The following WWOX variants were observed in gnomAD, a reference collection of about 807,000 sequenced individuals.
The protein encoded by WWOX is WW domain containing oxidoreductase, also known as WW domain-containing oxidoreductase.
A neutral mutation model predicts 46.2 loss-of-function variants in WWOX; 69 were observed. The ratio of observed to expected loss-of-function variants is 1.49; its 90% CI spans 1.23 to 1.82. The LOEUF (loss-of-function observed/expected upper bound fraction) is 1.82, where lower values mean the gene tolerates loss of function less well. Among genes scored for constraint, WWOX ranks in the 40% most tolerant of loss-of-function variants. The pLI, the probability that WWOX is intolerant of heterozygous loss-of-function variation, is 0.00. For missense variants in WWOX, 919 were observed against 542.6 expected, an observed-to-expected ratio of 1.69 and a Z score of -6.89; for synonymous variants, 359 against 202.6, an observed-to-expected ratio of 1.77 and a Z score of -6.56.
At chr16:78,976,464 C>T (rs1239111531) in intron 8 of WWOX, among the ~76,000 whole-genome samples, 2 of 152,308 alleles carry the variant, frequency 1.3e-5, no homozygotes, top group South Asian at 2.1e-4. Flanking sequence ...GCAATGGTGG[C>T]AGCCTGGGAG....
chr16:78,765,414 C>G (rs1428771603), intron 8 of WWOX, among the ~76,000 whole-genome samples: 3 of 152,164 alleles, frequency 2.0e-5, no homozygotes, highest in Non-Finnish European at 4.4e-5. Context: ...CACGGTGGCT[C>G]ATACTTATAA....
intron 5 of WWOX, among the ~76,000 whole-genome samples, chr16:78,321,682 T>C (rs1488241313): frequency 6.6e-6 from 1 of 152,040 alleles, no homozygotes; most frequent in Non-Finnish European, 1.5e-5. Flanking sequence ...GAAAAGTAAA[T>C]GATTGGAAGC....
At chr16:78,691,951 A>G (rs1473598201) in intron 8 of WWOX, among the ~76,000 whole-genome samples, 1 of 152,146 alleles carries the variant, frequency 6.6e-6, no homozygotes, top group African/African-American at 2.4e-5. Flanking sequence ...AATAAGTCTC[A>G]TGAGATCTGA....
chr16:78,640,816 G>C (rs1043757807), intron 8 of WWOX, among the ~76,000 whole-genome samples: 4 of 151,912 alleles, frequency 2.6e-5, no homozygotes, highest in Non-Finnish European at 4.4e-5. Context: ...GTGTGTGCCT[G>C]TAATCCCAGC....
At position 79,208,220 on chromosome 16, in the gene WWOX, C is replaced by T. The variant is rs559380733; in HGVS notation, c.1057-3388C>T. On this transcript the variant is annotated intron_variant, in intron 8 of 8. Coordinates refer to ENST00000566780, the MANE Select transcript of WWOX (RefSeq NM_016373.4). ...GTTTGACTAGATCGGAAATGGCATT[C>T]GGGCATGATTAAAAAGATTCTTCTG... 3.9e-5 allele frequency among the ~76,000 whole-genome samples: 6 copies of T among 152,302 alleles called. No individual in the cohort carries two copies. The South Asian group carries it at 8.3e-4, about 21-fold the overall frequency.
intron 8 of WWOX, among the ~76,000 whole-genome samples, chr16:78,509,924 T>TAA (rs59162697): frequency 2.4e-3 from 345 of 142,598 alleles, no homozygotes; most frequent in African/African-American, 5.9e-3. Flanking sequence ...CTCATCTCTT[T>TAA]AAAAAAAAAA....
chr16:79,185,265 C>T (rs954648433), intron 8 of WWOX, among the ~76,000 whole-genome samples: 9 of 152,308 alleles, frequency 5.9e-5, no homozygotes, highest in Middle Eastern at 3.4e-3. Flanking sequence ...AGACAGGAAA[C>T]TGCCTCTCTT....
intron 8 of WWOX, among the ~76,000 whole-genome samples, chr16:78,834,457 T>C (rs916319672): frequency 7.2e-5 from 11 of 152,100 alleles, no homozygotes; most frequent in Admixed American, 7.2e-4. Context: ...CAAAATTTAT[T>C]GAGAGGTGTA....
chr16:78,759,347 G>C (rs1166558626), intron 8 of WWOX, among the ~76,000 whole-genome samples: 2 of 152,162 alleles, frequency 1.3e-5, no homozygotes, highest in Non-Finnish European at 1.5e-5. Context: ...AGCCAGGCAA[G>C]GCACAGAAAA....
intron 8 of WWOX, among the ~76,000 whole-genome samples, chr16:78,818,861 G>A (rs1333322548): frequency 6.6e-6 from 1 of 152,208 alleles, no homozygotes; most frequent in African/African-American, 2.4e-5. Flanking sequence ...AAATTCGTTA[G>A]CACTGAGAGA....
intron 8 of WWOX, among the ~76,000 whole-genome samples, chr16:79,006,882 C>G (rs1215743151): frequency 3.9e-5 from 6 of 152,158 alleles, no homozygotes; most frequent in Non-Finnish European, 7.3e-5. Flanking sequence ...CTTTAAGGAC[C>G]TTTGTGATAG....
intron 8 of WWOX, among the ~76,000 whole-genome samples, chr16:78,510,080 TGTC>T (rs762638977): frequency 1.7e-3 from 260 of 152,108 alleles, no homozygotes; most frequent in Non-Finnish European, 3.3e-3. Context: ...TCTGTCTGTC[TGTC>T]TGTCTGTCTG....
intron 6 of WWOX, among the ~76,000 whole-genome samples, chr16:78,404,813 G>T (rs2151945873): frequency 6.6e-6 from 1 of 152,262 alleles, no homozygotes; most frequent in Non-Finnish European, 1.5e-5. Flanking sequence ...TTTATTAAAT[G>T]TCCCCAGGAA....
intron 8 of WWOX, among the ~76,000 whole-genome samples, chr16:79,031,371 CCTT>C (rs2047750596): frequency 6.6e-6 from 1 of 152,108 alleles, no homozygotes; most frequent in Admixed American, 6.5e-5. Context: ...GCTCCTGCCT[CCTT>C]CTTTTCTTCA....
chr16:78,401,428 T>C (rs2151944103), intron 6 of WWOX, among the ~76,000 whole-genome samples: 1 of 152,326 alleles, frequency 6.6e-6, no homozygotes, highest in South Asian at 2.1e-4. Context: ...GGTCTAGAAC[T>C]ATGTAGCTTT....
At chr16:78,658,856 C>G (rs1478417585) in intron 8 of WWOX, among the ~76,000 whole-genome samples, 1 of 151,598 alleles carries the variant, frequency 6.6e-6, no homozygotes, top group Non-Finnish European at 1.5e-5. Flanking sequence ...TTTTGGGAGG[C>G]CGAGGCAGGC....
At chr16:78,595,444 C>T (rs546538440) in intron 8 of WWOX, among the ~76,000 whole-genome samples, 5 of 152,304 alleles carry the variant, frequency 3.3e-5, no homozygotes, top group East Asian at 3.9e-4. Flanking sequence ...TGGGATCATA[C>T]ATTGACCAAA....
chr16:78,455,258 T>C (rs146206205), intron 8 of WWOX, among the ~76,000 whole-genome samples: 1 of 152,156 alleles, frequency 6.6e-6, no homozygotes, highest in East Asian at 1.9e-4. Context: ...TTTGTAGCTG[T>C]GGCTGGGCTG....
intron 8 of WWOX, chr16:79,203,247 G>T (rs1221109372): frequency 6.6e-6 from 1 of 152,184 alleles, no homozygotes; most frequent in Admixed American, 6.5e-5. Flanking sequence ...ACTCTCCACA[G>T]TATGTTCTAA....
Sources: gnomAD v4.1 joint callset for allele counts (sites outside exome capture counted in the v4.1 genomes callset) on GRCh38, gnomAD v4.1.1 for gene constraint, MANE v1.5 for transcripts, NCBI Gene and HGNC (gene_info 2026-07-23, HGNC 2026-07-21) for gene names.